Variants in MON1A observed in about 807,000 individuals in gnomAD.
The protein encoded by MON1A is MON1 vesicular trafficking associated A, also known as vacuolar fusion protein MON1 homolog A.
A neutral mutation model predicts 44.6 loss-of-function variants in MON1A; 29 were observed. That is an observed-to-expected ratio of 0.65 (90% confidence interval 0.48 to 0.89). The LOEUF (loss-of-function observed/expected upper bound fraction) is 0.89, where lower values mean the gene tolerates loss of function less well. Ranked by LOEUF, MON1A falls within the 40% of genes least tolerant of loss-of-function variation. MON1A has a pLI of 0.00. For synonymous variants in MON1A, 275 were observed against 316.4 expected (o/e 0.87, Z 1.39); for missense variants, 615 against 759.6 (o/e 0.81, Z 2.24).
chr3:49,926,146 C>G (rs1458584056), intron 1 of MON1A, among the ~76,000 whole-genome samples: 1 of 152,174 alleles, frequency 6.6e-6, no homozygotes, highest in Non-Finnish European at 1.5e-5. Flanking sequence ...CATCTCTTAT[C>G]CTTTTTCCCC....
chr3:49,913,111 G>A (rs1268154427), intron 2 of MON1A, 109 bp downstream of exon 2: 1 of 1,440,974 alleles, frequency 6.9e-7, no homozygotes, highest in East Asian at 2.3e-5. Flanking sequence ...TCCAATGAGT[G>A]ACTGACAAAT....
chr3:49,923,804 C>T (rs62262095), intron 1 of MON1A, among the ~76,000 whole-genome samples: 10,701 of 148,728 alleles, frequency 0.072, 394 homozygotes, highest in Non-Finnish European at 0.078. Flanking sequence ...TGGAGTCGGC[C>T]GGGCACGGTT....
chr3:49,913,382 A>G, intron 1 of MON1A, 23 bp from the exon 2 acceptor site: 1 of 1,595,678 alleles, frequency 6.3e-7, no homozygotes, highest in Non-Finnish European at 8.6e-7. Context: ...CAAATGCAAC[A>G]TCGATGGCTT....
chr3:49,913,234 TG>T lies in MON1A; in HGVS notation c.112del (p.Gln38ArgfsTer23), dbSNP rs1456360530. ...RAESPTPGMA[Q>X]GMEPGAGQEG... ...CTTGCCCATACCTGGCTCCATTCCCTGGGCCATTCCTGGTGTGGGGCTCTCA... is the reference window on the plus strand; with the variant it reads ...CTTGCCCATACCTGGCTCCATTCCCTGGCCATTCCTGGTGTGGGGCTCTCA... On this transcript the variant is annotated frameshift_variant, in exon 2 of 6. Coordinates refer to ENST00000296473, the MANE Select transcript of MON1A (RefSeq NM_032355.4). LOFTEE classifies it high-confidence loss of function. 1 of 1,614,256 alleles carries T rather than the reference TG, an allele frequency of 6.2e-7. No individual in the cohort carries two copies. The highest frequency in any genetic ancestry group is 8.5e-7 in the Non-Finnish European group (1 of 1,180,052).
At chr3:49,916,490 C>G (rs1372265436) in intron 1 of MON1A, 1 of 152,278 alleles carries the variant, frequency 6.6e-6, no homozygotes, top group Non-Finnish European at 1.5e-5. Flanking sequence ...ATCCTGACAG[C>G]TGGCCTGGTG....
rs760213515 is a variant in MON1A, at chr3:49,909,076, GC to G, written c.1605del (p.Lys535AsnfsTer2). 5 of 1,613,952 alleles carry G rather than the reference GC, an allele frequency of 3.1e-6. No individual in the cohort carries two copies. The South Asian group carries it at 5.5e-5, about 18-fold the overall frequency. ...TKASAVSAIH[K>X]LMRWIRKEED... ...TCCTCTTTGCGGATCCAGCGCATCA[GC>G]TTATGGATGGCACTGACGGCTGACG... On this transcript the variant is annotated frameshift_variant, in exon 6 of 6. Coordinates refer to ENST00000296473, the MANE Select transcript of MON1A (RefSeq NM_032355.4). LOFTEE classifies it high-confidence loss of function. The surrounding 1 kb of genome is among the most constrained non-coding windows in gnomAD (Gnocchi z 4.0).
rs1306840352 is a variant in MON1A, at chr3:49,929,794, C to T, written c.-199G>A. On this transcript the variant is annotated 5_prime_UTR_variant, in exon 1 of 6. Coordinates refer to ENST00000296473, the MANE Select transcript of MON1A (RefSeq NM_032355.4). The stretch of plus-strand genomic sequence containing the variant: ...GCTCCCTCCCACCGCCCTCACCCGG[C>T]CGCCGGTGCAGGAAGATAGCTTTCG... 2.6e-6 allele frequency: 4 copies of T among 1,547,850 alleles called. No homozygotes were observed. The highest frequency in any genetic ancestry group is 2.0e-5 in the Admixed American group (1 of 50,958).
In MON1A at chr3:49,909,448, T is replaced by C. The variant is rs2082849438; in HGVS notation, c.1380-48A>G. 6.2e-7 allele frequency: 1 copy of C among 1,608,664 alleles called. No homozygotes were observed. Reference sequence around the variant, plus strand: ...GGGTTTGCAAAGGAATGACTTCCACTGTCTTCTCTAGAGATTTAGAAACAC... The same window carrying C: ...GGGTTTGCAAAGGAATGACTTCCACCGTCTTCTCTAGAGATTTAGAAACAC... On this transcript the variant is annotated intron_variant, in intron 4 of 5. Coordinates refer to ENST00000296473, the MANE Select transcript of MON1A (RefSeq NM_032355.4). This position sits in a 1 kb window ranked among gnomAD's most constrained non-coding sequence, Gnocchi z 4.0.
Position 49,921,140 on chromosome 3 carries a change from G to A in MON1A, c.-13-7781C>T, listed in dbSNP as rs557431603. Among the ~76,000 whole-genome samples the A allele has an allele frequency of 6.3e-4, 96 of 151,986 alleles. 1 individual carries two copies. The highest frequency in any genetic ancestry group is 1.1e-3 in the Non-Finnish European group (73 of 67,924). On this transcript the variant is annotated intron_variant, in intron 1 of 5. Transcript: ENST00000296473. ...CACTGCACTCCAGCCTCGGCAATAA[G>A]AGTGAGACCCTGTCTCCTTTTTTTT... is the stretch of plus-strand genomic sequence containing the variant.
rs1356088871 is a variant in MON1A, at chr3:49,909,963, G to A, written c.1379+156C>T. 1.0e-5 allele frequency: 8 copies of A among 803,306 alleles called. No homozygotes were observed. Among genetic ancestry groups the A allele is most frequent in the East Asian group, 2.5e-5 (1 of 40,538 alleles). The allele number at this position is 803,306 out of a possible 1,614,324, so 49.8% of individuals were successfully genotyped here. On this transcript the variant is annotated intron_variant, in intron 4 of 5. Transcript: ENST00000296473. This position sits in a 1 kb window ranked among gnomAD's most constrained non-coding sequence, Gnocchi z 4.0. ...GCTCATGGGGTGATGGAGAGTCTGG[G>A]TCTCTGGTGCCAGAGTAAAACAGGC...
intron 1 of MON1A, among the ~76,000 whole-genome samples, chr3:49,914,090 CTTTTT>C (rs776537293): frequency 7.5e-6 from 1 of 133,466 alleles, no homozygotes. Context: ...TCTTCTTCTT[CTTTTT>C]TTTTTTTTTT....
In MON1A at chr3:49,910,228, G is replaced by C; in HGVS notation, c.1270C>G (p.Leu424Val). The change falls in exon 4 of 6, where the codon CTG (leucine) becomes GTG (valine). Residue 424 changes from leucine (L) to valine (V), a missense_variant. By Grantham distance (32) the Leu-to-Val change is conservative. Coordinates refer to ENST00000296473, the MANE Select transcript of MON1A (RefSeq NM_032355.4). The surrounding 1 kb of genome is among the most constrained non-coding windows in gnomAD (Gnocchi z 8.0). Reference sequence around the variant, plus strand: ...GTGCGCAGTGCCTCTCGCAGGGCCAGGTGGGCTCCGCGCTTGCGAAGGCGC... The same window carrying C: ...GTGCGCAGTGCCTCTCGCAGGGCCACGTGGGCTCCGCGCTTGCGAAGGCGC... The part of the protein sequence containing the change: ...QERLRKRGAH[L>V]ALREALRTPY... The C allele has an allele frequency of 1.2e-6, 2 of 1,614,120 alleles. No individual in the cohort carries two copies. The highest frequency in any genetic ancestry group is 1.7e-6 in the Non-Finnish European group (2 of 1,179,990).
chr3:49,918,733 G>A (rs1386004346), intron 1 of MON1A, among the ~76,000 whole-genome samples: 1 of 152,044 alleles, frequency 6.6e-6, no homozygotes, highest in Non-Finnish European at 1.5e-5. Flanking sequence ...CTAAAGATGA[G>A]CTGTTCATGC....
chr3:49,911,695 C>T lies in MON1A; in HGVS notation c.444G>A (p.Thr148=), dbSNP rs779185832. 13 of 1,614,016 alleles carry T rather than the reference C, an allele frequency of 8.1e-6. No homozygotes were observed. Among genetic ancestry groups the T allele is most frequent in the East Asian group, 2.2e-5 (1 of 44,902 alleles). The change falls in exon 3 of 6, where the codon ACG becomes ACA. Residue 148 remains threonine, a synonymous_variant. Transcript: ENST00000296473. This position sits in a 1 kb window ranked among gnomAD's most constrained non-coding sequence, Gnocchi z 5.7. Reference sequence around the variant, plus strand: ...GCTTCTGGTGCAGGCGCCATGCCTCCGTGGCATCCTCCTCATCCCCCTCGG... The same window carrying T: ...GCTTCTGGTGCAGGCGCCATGCCTCTGTGGCATCCTCCTCATCCCCCTCGG... ...GTTEGDEEDA[T]EAWRLHQKHV...
intron 2 of MON1A, chr3:49,912,793 G>C (rs2082901662): frequency 3.3e-6 from 1 of 305,812 alleles, no homozygotes; most frequent in Non-Finnish European, 6.4e-6. Context: ...CCCTGTACCA[G>C]GCACTGGGGA....
chr3:49,910,985 T>G lies in MON1A; in HGVS notation c.614-101A>C. 4 of 1,181,660 alleles carry G rather than the reference T, an allele frequency of 3.4e-6. No homozygotes were observed. The South Asian group carries it at 4.5e-5, about 13-fold the overall frequency. The allele number at this position is 1,181,660 out of a possible 1,614,324, so 73.2% of individuals were successfully genotyped here. A position where few individuals can be genotyped will look rare whatever the true frequency, so the allele number is the denominator to read the frequency against. Reference sequence around the variant, plus strand: ...TTCGCTTTCCCCATCCTTTCCTCGCTCAGAGCTCTGCGCACAGTAGGGGTT... The same window carrying G: ...TTCGCTTTCCCCATCCTTTCCTCGCGCAGAGCTCTGCGCACAGTAGGGGTT... On this transcript the variant is annotated intron_variant, in intron 3 of 5. Coordinates refer to ENST00000296473, the MANE Select transcript of MON1A (RefSeq NM_032355.4). The surrounding 1 kb of genome is among the most constrained non-coding windows in gnomAD (Gnocchi z 8.0).
intron 2 of MON1A, 178 bp downstream of exon 2, chr3:49,913,042 G>C: frequency 1.2e-6 from 1 of 818,734 alleles, no homozygotes; most frequent in Non-Finnish European, 2.0e-6. Flanking sequence ...GAAGTGGAGA[G>C]GAAAGCCAGA....
chr3:49,926,782 A>T (rs1179108451), intron 1 of MON1A, among the ~76,000 whole-genome samples: 2 of 137,612 alleles, frequency 1.5e-5, no homozygotes, highest in Admixed American at 7.4e-5. Flanking sequence ...TGGGAGGGAG[A>T]TTTTTTTTTT....
chr3:49,921,967 A>G (rs566175797), intron 1 of MON1A, among the ~76,000 whole-genome samples: 2 of 150,686 alleles, frequency 1.3e-5, no homozygotes, highest in African/African-American at 4.9e-5. Flanking sequence ...GTGAAACCCC[A>G]TCTCTACTAA....
Sources: gnomAD v4.1 joint callset for allele counts (sites outside exome capture counted in the v4.1 genomes callset) on GRCh38, gnomAD v4.1.1 for gene constraint, Gnocchi (gnomAD v3.1) non-coding constraint, MANE v1.5 for transcripts, NCBI Gene and HGNC (gene_info 2026-07-23, HGNC 2026-07-21) for gene names.